CTNND2: variants seen among roughly 807,000 people sequenced by gnomAD.
CTNND2 encodes the protein catenin delta 2.
In CTNND2, 22 loss-of-function variants were observed where a neutral mutation model predicts 144.4. The observed-to-expected ratio is 0.15, with a 90% confidence interval of 0.11 to 0.22. The LOEUF is 0.22. CTNND2 is among the 10% of genes least tolerant of loss of function. CTNND2 has a pLI of 1.00. For missense variants in CTNND2, 1,353 were observed against 1,618.8 expected (o/e 0.84, Z 2.82); for synonymous variants, 751 against 695.6 (o/e 1.08, Z -1.25).
intron 3 of CTNND2, among the ~76,000 whole-genome samples, chr5:11,418,428 A>G (rs1762083084): frequency 6.6e-6 from 1 of 152,104 alleles, no homozygotes; most frequent in South Asian, 2.1e-4. Context: ...AAAACAAAAC[A>G]AAAAAACAAA....
chr5:11,047,610 T>C lies in CTNND2; in HGVS notation c.2789-24631A>G, dbSNP rs969761978. 1.8e-4 allele frequency among the ~76,000 whole-genome samples: 28 copies of C among 152,306 alleles called. 1 individual carries two copies. The highest frequency in any genetic ancestry group is 5.3e-4 in the African/African-American group (22 of 41,562). ...GTCAATAAAAACATAGAAAGATCAG[T>C]GTATTCCATTGCTTGCTGCTCTGGT... is the stretch of plus-strand genomic sequence containing the variant. On this transcript the variant is annotated intron_variant, in intron 16 of 21. Transcript: ENST00000304623.
At chr5:11,167,822 C>T (rs142738928) in intron 11 of CTNND2, among the ~76,000 whole-genome samples, 19 of 151,410 alleles carry the variant, frequency 1.3e-4, no homozygotes, top group South Asian at 4.2e-4. Context: ...CTCCCACCTC[C>T]GCCACTTGAG....
Position 11,837,083 on chromosome 5 carries a change from G to T in CTNND2, c.37+66734C>A, listed in dbSNP as rs532251192. Among the ~76,000 whole-genome samples the T allele has an allele frequency of 2.6e-5, 4 of 152,272 alleles. No homozygotes were observed. In the South Asian group the frequency reaches 8.3e-4, roughly 32 times the overall value. ...TGGTACTTGTTGTTTTCTGACTTTG[G>T]TTCAACCACCACAATTCTCAGGGTG... On this transcript the variant is annotated intron_variant, in intron 1 of 21. Coordinates refer to ENST00000304623, the MANE Select transcript of CTNND2 (RefSeq NM_001332.4).
At chr5:11,892,995 T>A (rs1354357950) in intron 1 of CTNND2, among the ~76,000 whole-genome samples, 1 of 152,216 alleles carries the variant, frequency 6.6e-6, no homozygotes, top group East Asian at 1.9e-4. Context: ...CTGTTCAACT[T>A]AAGACAGCAC....
intron 1 of CTNND2, among the ~76,000 whole-genome samples, chr5:11,786,591 C>A (rs567800029): frequency 6.6e-6 from 1 of 152,250 alleles, no homozygotes; most frequent in African/African-American, 2.4e-5. Flanking sequence ...CTAGACAGAA[C>A]AAAAATGACA....
intron 8 of CTNND2, among the ~76,000 whole-genome samples, chr5:11,358,554 A>G (rs1018514904): frequency 6.6e-6 from 1 of 152,218 alleles, no homozygotes. Flanking sequence ...ACAGCTCTTA[A>G]TAAGTAATAA....
At chr5:11,141,290 G>A (rs1006539759) in intron 12 of CTNND2, among the ~76,000 whole-genome samples, 6 of 151,810 alleles carry the variant, frequency 4.0e-5, no homozygotes, top group East Asian at 1.9e-4. Context: ...ATATAAGACC[G>A]TCATTTTTTT....
intron 2 of CTNND2, among the ~76,000 whole-genome samples, chr5:11,614,760 G>T (rs1410498015): frequency 6.6e-6 from 1 of 152,134 alleles, no homozygotes; most frequent in Non-Finnish European, 1.5e-5. Flanking sequence ...TCACTGAGTG[G>T]GGTGGCATAA....
At chr5:11,811,828 T>C (rs10063231) in intron 1 of CTNND2, among the ~76,000 whole-genome samples, 15,153 of 152,200 alleles carry the variant, frequency 0.1, 1,785 homozygotes, top group African/African-American at 0.28. Flanking sequence ...AGGTAAGCTG[T>C]TTGTTGTTGA....
At chr5:11,477,101 A>G (rs1012420379) in intron 3 of CTNND2, among the ~76,000 whole-genome samples, 4 of 152,220 alleles carry the variant, frequency 2.6e-5, no homozygotes, top group Admixed American at 6.5e-5. Flanking sequence ...TTGATTGTCT[A>G]TTTTGTGGAT....
At chr5:11,038,925 A>G (rs900972618) in intron 16 of CTNND2, among the ~76,000 whole-genome samples, 4 of 152,180 alleles carry the variant, frequency 2.6e-5, no homozygotes, top group African/African-American at 7.2e-5. Flanking sequence ...GGTTAAATCT[A>G]TTTTAGGGGC....
At chr5:11,607,462 C>G (rs1440366706) in intron 2 of CTNND2, among the ~76,000 whole-genome samples, 1 of 152,034 alleles carries the variant, frequency 6.6e-6, no homozygotes, top group Non-Finnish European at 1.5e-5. Flanking sequence ...ATGATTACAA[C>G]AGTAATCATA....
At chr5:11,889,273 G>T (rs1247688165) in intron 1 of CTNND2, among the ~76,000 whole-genome samples, 2 of 152,112 alleles carry the variant, frequency 1.3e-5, no homozygotes, top group Admixed American at 6.5e-5. Flanking sequence ...CACACCACAG[G>T]TAACACATTT....
intron 3 of CTNND2, among the ~76,000 whole-genome samples, chr5:11,513,619 A>G (rs1771859367): frequency 6.6e-6 from 1 of 152,208 alleles, no homozygotes; most frequent in Non-Finnish European, 1.5e-5. Flanking sequence ...GTAACTGAAG[A>G]TCCCTAAGTA....
rs142446742 is a variant in CTNND2, at chr5:11,046,124, C to T, written c.2789-23145G>A. On this transcript the variant is annotated intron_variant, in intron 16 of 21. Coordinates refer to ENST00000304623, the MANE Select transcript of CTNND2 (RefSeq NM_001332.4). Reference sequence around the variant, plus strand: ...CAAAATTCTTATGTTGATATCCTAACCCCCAGTCCCTCAGAATGCGGCCTT... The same window carrying T: ...CAAAATTCTTATGTTGATATCCTAATCCCCAGTCCCTCAGAATGCGGCCTT... Among the ~76,000 whole-genome samples the T allele has an allele frequency of 2.6e-5, 4 of 152,170 alleles. No homozygotes were observed. In the East Asian group the frequency reaches 7.7e-4, roughly 29 times the overall value.
intron 15 of CTNND2, among the ~76,000 whole-genome samples, chr5:11,091,282 C>T (rs1239321162): frequency 6.6e-6 from 1 of 152,148 alleles, no homozygotes; most frequent in Non-Finnish European, 1.5e-5. Flanking sequence ...TGCTGTTAAT[C>T]ACACCCCATG....
At chr5:11,174,519 T>A (rs1760267743) in intron 11 of CTNND2, among the ~76,000 whole-genome samples, 1 of 152,244 alleles carries the variant, frequency 6.6e-6, no homozygotes, top group African/African-American at 2.4e-5. Flanking sequence ...GACTTATTTT[T>A]TTTTTAAATA....
intron 8 of CTNND2, among the ~76,000 whole-genome samples, chr5:11,357,385 T>C (rs1039045503): frequency 4.6e-5 from 7 of 152,216 alleles, no homozygotes; most frequent in African/African-American, 1.7e-4. Flanking sequence ...TGTGATAACA[T>C]GGATGAGCCT....
intron 3 of CTNND2, among the ~76,000 whole-genome samples, chr5:11,520,985 T>C (rs1239878670): frequency 6.6e-6 from 1 of 152,232 alleles, no homozygotes; most frequent in East Asian, 1.9e-4. Flanking sequence ...GCTATTTGGT[T>C]TACAGTTTAC....
Sources: allele counts gnomAD v4.1 joint callset (sites outside exome capture counted in the v4.1 genomes callset), GRCh38; gene constraint gnomAD v4.1.1; transcripts MANE v1.5; gene names NCBI Gene and HGNC (gene_info 2026-07-23, HGNC 2026-07-21).